Variants in DRD3 observed in about 807,000 individuals in gnomAD.
DRD3 encodes dopamine receptor D3.
In DRD3, 19 loss-of-function variants were observed where a neutral mutation model predicts 36.3. That is an observed-to-expected ratio of 0.52 (90% CI 0.36 to 0.77). DRD3 has a LOEUF of 0.77. Among genes scored for constraint, DRD3 ranks in the 30% least tolerant of loss-of-function variants. The probability of loss-of-function intolerance (pLI) is 0.00; values close to 1 mark genes in which losing one functional copy is unlikely to be tolerated. For synonymous variants in DRD3, 195 were observed against 203.7 expected (o/e 0.96, Z 0.36); for missense variants, 465 against 505.3 (o/e 0.92, Z 0.77).
intron 4 of DRD3, among the ~76,000 whole-genome samples, chr3:114,145,813 G>A (rs2107845220): frequency 6.6e-6 from 1 of 152,262 alleles, no homozygotes; most frequent in South Asian, 2.1e-4. Context: ...ATATTGTAGA[G>A]TTCCTATGGA....
chr3:114,171,771 T>C lies in DRD3; in HGVS notation c.222A>G (p.Ala74=), dbSNP rs755918251. 5 of 1,613,030 alleles carry C rather than the reference T, an allele frequency of 3.1e-6. No individual in the cohort carries two copies. Among genetic ancestry groups the C allele is most frequent in the Non-Finnish European group, 3.4e-6 (4 of 1,179,416 alleles). The change falls in exon 2 of 7, where the codon GCA becomes GCG. Residue 74 remains alanine (A), a synonymous_variant. Transcript: ENST00000383673. ...TNYLVVSLAV[A]DLLVATLVMP... ...TCACCAAGGTGGCCACCAGCAAGTC[T>C]GCCACAGCCAGGCTCACTACTAAGT...
At chr3:114,131,033 A>C (rs2077424603) in intron 6 of DRD3, 85 bp downstream of exon 6, 1 of 1,469,924 alleles carries the variant, frequency 6.8e-7, no homozygotes. Context: ...CTGTCATCAA[A>C]TTTCCGATAG....
chr3:114,137,393 T>C lies in DRD3; in HGVS notation c.723+2107A>G, dbSNP rs148970008. Among the ~76,000 whole-genome samples the C allele has an allele frequency of 6.7e-4, 102 of 152,370 alleles. 3 individuals carry two copies. In the East Asian group the frequency reaches 0.011, roughly 16 times the overall value. On this transcript the variant is annotated intron_variant, in intron 5 of 6. Coordinates refer to ENST00000383673, the MANE Select transcript of DRD3 (RefSeq NM_000796.6). ...CATTGATAGCCATGGGACATGATAA[T>C]ATTTTGAATGCAATACTTTCATATC...
At chr3:114,138,896 A>G (rs2077498674) in intron 5 of DRD3, among the ~76,000 whole-genome samples, 1 of 152,218 alleles carries the variant, frequency 6.6e-6, no homozygotes, top group Non-Finnish European at 1.5e-5. Flanking sequence ...CTTCAAGTAC[A>G]TCGTGGGAAA....
At chr3:114,184,669 T>C (rs2077965769) in intron 1 of DRD3, among the ~76,000 whole-genome samples, 2 of 152,088 alleles carry the variant, frequency 1.3e-5, no homozygotes, top group Admixed American at 1.3e-4. Flanking sequence ...TTCTCCTTCT[T>C]TTCCTGCTTC....
intron 2 of DRD3, among the ~76,000 whole-genome samples, chr3:114,170,910 GC>G (rs1209292113): frequency 6.6e-6 from 1 of 152,062 alleles, no homozygotes. Context: ...TTAAGTAATT[GC>G]ATGTTTTCCT....
upstream of DRD3, among the ~76,000 whole-genome samples, chr3:114,181,446 C>T (rs115734520): frequency 4.6e-3 from 699 of 152,354 alleles, 8 homozygotes; most frequent in African/African-American, 0.016. Context: ...ACTTCCCATT[C>T]ATACAACAAC....
At chr3:114,182,690 C>CA (rs2077954770), upstream of DRD3, among the ~76,000 whole-genome samples, 1 of 152,136 alleles carries the variant, frequency 6.6e-6, no homozygotes, top group South Asian at 2.1e-4. Context: ...CGGCTCCCTG[C>CA]AACCTCAGCC....
At chr3:114,130,135 T>G (rs2077416046) in intron 6 of DRD3, among the ~76,000 whole-genome samples, 1 of 152,158 alleles carries the variant, frequency 6.6e-6, no homozygotes, top group Non-Finnish European at 1.5e-5. Context: ...GGCATACGCC[T>G]GTAGTTCTAG....
In DRD3 at chr3:114,188,022, C is replaced by T. The variant is rs190783396; in HGVS notation, c.-155-9246G>A. On this transcript the variant is annotated intron_variant, in intron 1 of 7. Transcript: ENST00000460779. Reference sequence around the variant, plus strand: ...AGAGAAGCAAATACCTGAGCATCTCCCCTCTCCATATAGGTATCCAAGTGC... The same window carrying T: ...AGAGAAGCAAATACCTGAGCATCTCTCCTCTCCATATAGGTATCCAAGTGC... 6.7e-3 allele frequency among the ~76,000 whole-genome samples: 1,017 copies of T among 152,070 alleles called. 3 individuals carry two copies. The highest frequency in any genetic ancestry group is 9.9e-3 in the Non-Finnish European group (671 of 67,978).
rs375011281 is a variant in DRD3, at chr3:114,194,514, C to T, written c.-156+4759G>A. Among the ~76,000 whole-genome samples the T allele has an allele frequency of 5.3e-5, 8 of 152,258 alleles. No homozygotes were observed. The South Asian group carries it at 1.2e-3, about 24-fold the overall frequency. On this transcript the variant is annotated intron_variant, in intron 1 of 7. Transcript: ENST00000460779. Reference sequence around the variant, plus strand: ...GCCAGGCTGGTCTTGAACTCCTGACCTCAAGTAGTCCACCCACCTCGGCCT... The same window carrying T: ...GCCAGGCTGGTCTTGAACTCCTGACTTCAAGTAGTCCACCCACCTCGGCCT...
chr3:114,133,420 A>T (rs1419509561), intron 5 of DRD3, among the ~76,000 whole-genome samples: 2 of 152,044 alleles, frequency 1.3e-5, no homozygotes, highest in Non-Finnish European at 2.9e-5. Context: ...AATAAGACTG[A>T]CCACGAATTG....
intron 5 of DRD3, among the ~76,000 whole-genome samples, chr3:114,137,091 T>C (rs555569596): frequency 6.6e-6 from 1 of 152,366 alleles, no homozygotes; most frequent in South Asian, 2.1e-4. Context: ...AAGCTTAAAT[T>C]AGGAAGAATT....
chr3:114,186,309 T>C (rs1249927882), intron 1 of DRD3, among the ~76,000 whole-genome samples: 4 of 152,226 alleles, frequency 2.6e-5, no homozygotes, highest in African/African-American at 9.6e-5. Flanking sequence ...GTATTTTTAG[T>C]AGAGACAGGG....
intron 6 of DRD3, among the ~76,000 whole-genome samples, chr3:114,129,435 C>T (rs117174274): frequency 6.6e-6 from 1 of 152,202 alleles, no homozygotes; most frequent in Non-Finnish European, 1.5e-5. Flanking sequence ...ATGCTAATGT[C>T]TTTCATTCAC....
intron 5 of DRD3, among the ~76,000 whole-genome samples, chr3:114,136,813 G>A (rs966153128): frequency 1.3e-5 from 2 of 152,194 alleles, no homozygotes. Context: ...AGGCAGGCCT[G>A]GCTTGAATTG....
At chr3:114,175,704 AT>A (rs2077891717) in intron 1 of DRD3, among the ~76,000 whole-genome samples, 1 of 152,228 alleles carries the variant, frequency 6.6e-6, no homozygotes, top group African/African-American at 2.4e-5. Flanking sequence ...CAGGCTCAGA[AT>A]TGATTTTCAG....
intron 5 of DRD3, among the ~76,000 whole-genome samples, chr3:114,132,123 A>C (rs1406430538): frequency 2.0e-5 from 3 of 152,234 alleles, no homozygotes; most frequent in Non-Finnish European, 4.4e-5. Context: ...TTACTGCAGC[A>C]ATATTTACAA....
intron 3 of DRD3, 107 bp from the exon 4 acceptor site, chr3:114,147,664 AC>A: frequency 7.5e-7 from 1 of 1,340,014 alleles, no homozygotes; most frequent in Non-Finnish European, 1.0e-6. Context: ...TCACTCTGTC[AC>A]CCAGGCAGAA....
Sources: allele counts gnomAD v4.1 joint callset (sites outside exome capture counted in the v4.1 genomes callset), GRCh38; gene constraint gnomAD v4.1.1; transcripts MANE v1.5; gene names NCBI Gene and HGNC (gene_info 2026-07-23, HGNC 2026-07-21).